PLCH1: variants seen among roughly 807,000 people sequenced by gnomAD.
PLCH1 encodes 1-phosphatidylinositol 4,5-bisphosphate phosphodiesterase eta-1.
A neutral mutation model predicts 126.7 loss-of-function variants in PLCH1; 60 were observed. The observed-to-expected ratio is 0.47, with a 90% CI of 0.38 to 0.59. PLCH1 has a LOEUF of 0.59. Among genes scored for constraint, PLCH1 ranks in the 20% least tolerant of loss-of-function variants. PLCH1 has a pLI of 0.00. For synonymous variants in PLCH1, 719 were observed against 734.9 expected, an observed-to-expected ratio of 0.98 and a Z score of 0.35; for missense variants, 1,723 against 2,040.0, an observed-to-expected ratio of 0.84 and a Z score of 2.99.
At chr3:155,654,686 C>G (rs1196232672) in intron 2 of PLCH1, among the ~76,000 whole-genome samples, 1 of 152,130 alleles carries the variant, frequency 6.6e-6, no homozygotes, top group Non-Finnish European at 1.5e-5. Flanking sequence ...TCATAACTTC[C>G]CCAGCTTCTG....
chr3:155,660,759 C>T (rs191536264), intron 2 of PLCH1, among the ~76,000 whole-genome samples: 3 of 152,270 alleles, frequency 2.0e-5, no homozygotes, highest in Admixed American at 2.0e-4. Context: ...AGAAAATCAA[C>T]ATGCCCCTTT....
At chr3:155,589,567 A>T (rs1054590073) in intron 4 of PLCH1, among the ~76,000 whole-genome samples, 10 of 152,162 alleles carry the variant, frequency 6.6e-5, no homozygotes, top group African/African-American at 2.2e-4. Flanking sequence ...GATTTATAAC[A>T]TACATAACAG....
At chr3:155,524,947 G>A (rs1322043874) in intron 10 of PLCH1, among the ~76,000 whole-genome samples, 1 of 152,112 alleles carries the variant, frequency 6.6e-6, no homozygotes, top group East Asian at 1.9e-4. Context: ...AGTCCAGGAG[G>A]TTGAGGCTGC....
intron 10 of PLCH1, among the ~76,000 whole-genome samples, chr3:155,532,991 G>GTTT (rs952712907): frequency 1.3e-5 from 2 of 152,192 alleles, no homozygotes; most frequent in African/African-American, 4.8e-5. Flanking sequence ...TTGTTGAATG[G>GTTT]TTTTGACCAA....
intron 2 of PLCH1, among the ~76,000 whole-genome samples, chr3:155,615,551 A>C (rs1466067242): frequency 6.6e-6 from 1 of 152,170 alleles, no homozygotes; most frequent in African/African-American, 2.4e-5. Flanking sequence ...CCATCAACGA[A>C]CAAGTGGATA....
chr3:155,465,167 T>C (rs1712881013), intron 21 of PLCH1, among the ~76,000 whole-genome samples: 1 of 150,492 alleles, frequency 6.6e-6, no homozygotes, highest in African/African-American at 2.5e-5. Context: ...ATTGGTCTGA[T>C]AAACCACCAC....
chr3:155,530,758 G>A (rs1722566656), intron 10 of PLCH1, among the ~76,000 whole-genome samples: 1 of 152,158 alleles, frequency 6.6e-6, no homozygotes, highest in Non-Finnish European at 1.5e-5. Flanking sequence ...ATTTAGAATG[G>A]TGAATCCTTT....
intron 2 of PLCH1, among the ~76,000 whole-genome samples, chr3:155,656,557 T>C (rs551488946): frequency 6.6e-6 from 1 of 152,330 alleles, no homozygotes; most frequent in Non-Finnish European, 1.5e-5. Context: ...CATATGATTA[T>C]CTTCAGAAAT....
intron 1 of PLCH1, among the ~76,000 whole-genome samples, chr3:155,714,553 C>G (rs1747373565): frequency 6.6e-6 from 1 of 152,186 alleles, no homozygotes; most frequent in African/African-American, 2.4e-5. Flanking sequence ...TAAAAGGGTA[C>G]TTTGTTCATT....
intron 10 of PLCH1, among the ~76,000 whole-genome samples, chr3:155,536,596 C>T (rs968093291): frequency 6.6e-6 from 1 of 151,878 alleles, no homozygotes; most frequent in Non-Finnish European, 1.5e-5. Context: ...GAAGACAAGG[C>T]TTTTGAATTA....
At chr3:155,735,697 T>TA (rs1186340541) in intron 1 of PLCH1, among the ~76,000 whole-genome samples, 2 of 150,534 alleles carry the variant, frequency 1.3e-5, no homozygotes, top group African/African-American at 2.4e-5. Flanking sequence ...AAGAAAAAGA[T>TA]AAAAAAAGTA....
Position 155,494,239 on chromosome 3 carries a change from T to C in PLCH1, c.2084A>G (p.Asn695Ser). The C allele has an allele frequency of 6.2e-7, 1 of 1,614,012 alleles. No individual in the cohort carries two copies. The highest frequency in any genetic ancestry group is 8.5e-7 in the Non-Finnish European group (1 of 1,179,878). Residue 695 changes from asparagine to serine, a missense_variant, in exon 17 of 23, where the codon AAT becomes AGT. Around this residue, in one of 2 missense-constraint regions of PLCH1, gnomAD observed 776 missense variants for 1,062.9 expected, o/e 0.73. Coordinates refer to ENST00000460012, the MANE Select transcript of PLCH1 (RefSeq NM_014996.4). ...CATCATTCGTCCTTCAGATTGATAA[T>C]TCAGTGCCACTGTGCAAGTTGAAAG... ...WNAGCQLVAL[N>S]YQSEGRMMQL...
chr3:155,548,141 G>A (rs1349976131), intron 10 of PLCH1, among the ~76,000 whole-genome samples: 1 of 152,162 alleles, frequency 6.6e-6, no homozygotes, highest in African/African-American at 2.4e-5. Flanking sequence ...TGGAACATAT[G>A]TGTGTAACAG....
intron 2 of PLCH1, among the ~76,000 whole-genome samples, chr3:155,672,283 T>C (rs543896273): frequency 1.3e-5 from 2 of 152,234 alleles, no homozygotes; most frequent in African/African-American, 4.8e-5. Context: ...TTATCTGGAA[T>C]ACAAAATACA....
chr3:155,586,308 T>C (rs929022089), intron 4 of PLCH1, 114 bp from the exon 5 acceptor site: 7 of 1,025,338 alleles, frequency 6.8e-6, no homozygotes, highest in African/African-American at 3.2e-5. Context: ...AGAAATTATT[T>C]TGAGGAGCCC....
chr3:155,623,880 A>G (rs913015360), intron 2 of PLCH1, among the ~76,000 whole-genome samples: 3 of 152,192 alleles, frequency 2.0e-5, no homozygotes, highest in African/African-American at 7.2e-5. Context: ...AAAAGAGCGA[A>G]TCCTCCCTAA....
At chr3:155,683,131 A>T (rs1744665864) in intron 2 of PLCH1, among the ~76,000 whole-genome samples, 1 of 152,190 alleles carries the variant, frequency 6.6e-6, no homozygotes, top group Non-Finnish European at 1.5e-5. Context: ...CTCAAAACAA[A>T]CTGAGTATAA....
downstream of PLCH1, among the ~76,000 whole-genome samples, chr3:155,479,581 T>C (rs1335911995): frequency 6.8e-6 from 1 of 146,400 alleles, no homozygotes; most frequent in African/African-American, 2.5e-5. Flanking sequence ...CCACCACCAC[T>C]ACCACCGCTT....
intron 2 of PLCH1, among the ~76,000 whole-genome samples, chr3:155,619,646 T>C (rs1482762790): frequency 6.6e-6 from 1 of 152,054 alleles, no homozygotes; most frequent in Non-Finnish European, 1.5e-5. Context: ...GATCACATTT[T>C]CCCTGAAAAA....
Sources: allele counts gnomAD v4.1 joint callset (sites outside exome capture counted in the v4.1 genomes callset), GRCh38; gene constraint gnomAD v4.1.1; regional missense constraint gnomAD v4.1.1; transcripts MANE v1.5; gene names NCBI Gene and HGNC (gene_info 2026-07-23, HGNC 2026-07-21).